Variants in AS3MT observed in about 807,000 individuals in gnomAD.
AS3MT encodes the protein S-adenosyl-L-methionine:arsenic(III) methyltransferase.
AS3MT carries 47 observed loss-of-function variants against 45.3 expected under a neutral mutation model. The observed-to-expected ratio is 1.04, with a 90% CI of 0.82 to 1.32. The LOEUF is 1.32. Ranked by LOEUF, AS3MT falls within the 40% of genes most tolerant of loss-of-function variation. The probability of loss-of-function intolerance (pLI) is 0.00; values close to 1 mark genes in which losing one functional copy is unlikely to be tolerated. For synonymous variants in AS3MT, 141 were observed against 152.8 expected (o/e 0.92, Z 0.57); for missense variants, 396 against 451.1 (o/e 0.88, Z 1.11).
intron 10 of AS3MT, among the ~76,000 whole-genome samples, chr10:102,893,788 T>C (rs56946876): frequency 0.41 from 62,088 of 151,842 alleles, 12,912 homozygotes; most frequent in East Asian, 0.56. Context: ...CATGAGCCAC[T>C]GTGCCCAGCC....
At chr10:102,896,803 C>T (rs571243103) in intron 10 of AS3MT, among the ~76,000 whole-genome samples, 1 of 133,230 alleles carries the variant, frequency 7.5e-6, no homozygotes, top group South Asian at 2.5e-4. Context: ...AGTGAGACTC[C>T]ATCTCAAAAA....
rs183878464 is a variant in AS3MT, at chr10:102,878,466, C to G, written c.698C>G (p.Ala233Gly). The G allele has an allele frequency of 4.3e-6, 7 of 1,613,862 alleles. No homozygotes were observed. The highest frequency in any genetic ancestry group is 5.9e-6 in the Non-Finnish European group (7 of 1,179,966). The part of the protein sequence containing the change: ...IGFCPPRLVT[A>G]NLITIQNKEL... ...TTCTGCCCTCCACGTTTGGTCACTG[C>G]CAATCTCATTACAATTCAAAACAAG... Residue 233 changes from alanine to glycine, a missense_variant, in exon 8 of 11, where the codon GCC (alanine) becomes GGC (glycine). Physicochemically the swap from Ala to Gly is moderately conservative, Grantham distance 60. Coordinates refer to ENST00000369880, the MANE Select transcript of AS3MT (RefSeq NM_020682.4).
chr10:102,877,574 A>AAG (rs1425505882), intron 7 of AS3MT, among the ~76,000 whole-genome samples: 1 of 150,476 alleles, frequency 6.6e-6, no homozygotes, highest in Non-Finnish European at 1.5e-5. Flanking sequence ...AAAAAAAAAA[A>AAG]AAAGAAAAAA....
At chr10:102,871,047 C>T (rs1029830758) in intron 3 of AS3MT, among the ~76,000 whole-genome samples, 1 of 152,140 alleles carries the variant, frequency 6.6e-6, no homozygotes, top group African/African-American at 2.4e-5. Context: ...AGTTCAAGAC[C>T]GACCTGGTCA....
At chr10:102,884,920 T>C (rs1185560023) in intron 9 of AS3MT, among the ~76,000 whole-genome samples, 1 of 152,198 alleles carries the variant, frequency 6.6e-6, no homozygotes, top group Non-Finnish European at 1.5e-5. Flanking sequence ...TTCATATAAT[T>C]TGTACAGATC....
intron 10 of AS3MT, among the ~76,000 whole-genome samples, chr10:102,894,152 G>A (rs972048114): frequency 1.3e-5 from 2 of 151,994 alleles, no homozygotes; most frequent in African/African-American, 4.8e-5. Flanking sequence ...TAGGCCGGGC[G>A]CGGTGGCTCA....
At chr10:102,873,260 C>G (rs1844723812) in intron 5 of AS3MT, 27 bp downstream of exon 5, 1 of 1,467,128 alleles carries the variant, frequency 6.8e-7, no homozygotes, top group Admixed American at 2.5e-5. Flanking sequence ...ACTGTTATGA[C>G]TATAGCCCAT....
chr10:102,882,832 C>T (rs1243807445), intron 9 of AS3MT, among the ~76,000 whole-genome samples: 2 of 151,904 alleles, frequency 1.3e-5, no homozygotes, highest in Non-Finnish European at 2.9e-5. Context: ...CTCAGGTAAT[C>T]TACCCGCCTC....
In AS3MT at chr10:102,869,851, A is replaced by C. The variant is rs1159399457; in HGVS notation, c.42+6A>C. On this transcript the variant is annotated splice_donor_region_variant and intron_variant, in intron 2 of 10. Transcript: ENST00000369880. ...AGATACAGAAGGACGTGCAGGTGAG[A>C]GCTGTAGGGCCTGGAATGGCCCAAG... The C allele has an allele frequency of 1.2e-6, 2 of 1,613,844 alleles. No homozygotes were observed. The highest frequency in any genetic ancestry group is 4.5e-5 in the East Asian group (2 of 44,872).
At chr10:102,871,668 C>T (rs941331903) in intron 3 of AS3MT, among the ~76,000 whole-genome samples, 1 of 148,632 alleles carries the variant, frequency 6.7e-6, no homozygotes. Flanking sequence ...GCGGAGCTTG[C>T]GGTGAGCTGA....
At chr10:102,891,236 C>T (rs758039052) in intron 10 of AS3MT, among the ~76,000 whole-genome samples, 7 of 152,122 alleles carry the variant, frequency 4.6e-5, no homozygotes, top group African/African-American at 1.2e-4. Flanking sequence ...TTATGATTTT[C>T]GAGAGACAGT....
rs746270828 is a variant in AS3MT at position 102,890,606 on chromosome 10, T to A, written c.948T>A (p.Ala316=). 30 of 1,612,708 alleles carry A rather than the reference T, an allele frequency of 1.9e-5. 1 individual carries two copies. In the South Asian group the frequency reaches 3.3e-4, roughly 18 times the overall value. Residue 316 remains alanine, a synonymous_variant, in exon 10 of 11, where the codon GCT becomes GCA. Transcript: ENST00000369880. ...TAAILKNSRF[A]QDFLIRPIGE... The stretch of plus-strand genomic sequence containing the variant: ...CTATCTTGAAGAATTCAAGATTTGC[T>A]CAAGATTTTCTGATCAGACCAATTG...
intron 3 of AS3MT, among the ~76,000 whole-genome samples, chr10:102,871,373 C>A (rs1055834812): frequency 6.6e-6 from 1 of 151,752 alleles, no homozygotes; most frequent in African/African-American, 2.4e-5. Flanking sequence ...GGTGAAACCC[C>A]GTCTCTACTA....
intron 10 of AS3MT, among the ~76,000 whole-genome samples, chr10:102,898,277 A>G (rs2134135246): frequency 6.6e-6 from 1 of 152,228 alleles, no homozygotes; most frequent in East Asian, 1.9e-4. Flanking sequence ...GTATTTTGCC[A>G]TTAAAACAAT....
At chr10:102,871,546 CAAAAAAAAAAAAAAAAAAA>C (rs748797211) in intron 3 of AS3MT, among the ~76,000 whole-genome samples, 6 of 23,266 alleles carry the variant, frequency 2.6e-4, no homozygotes, top group South Asian at 3.1e-3. Flanking sequence ...GACTCCGTCT[CAAAAAAAAAAAAAAAAAAA>C]AAAAAAAAAA....
chr10:102,888,541 C>A (rs1418601176), intron 9 of AS3MT, among the ~76,000 whole-genome samples: 1 of 151,848 alleles, frequency 6.6e-6, no homozygotes, highest in Non-Finnish European at 1.5e-5. Flanking sequence ...CCTGCCTCAG[C>A]CTCCCGAGTA....
In AS3MT at chr10:102,900,649, A is replaced by T; in HGVS notation, c.1077A>T (p.Arg359Ser). The T allele has an allele frequency of 1.9e-6, 3 of 1,614,200 alleles. No individual in the cohort carries two copies. The highest frequency in any genetic ancestry group is 2.5e-6 in the Non-Finnish European group (3 of 1,180,012). Residue 359 changes from arginine to serine, a missense_variant, in exon 11 of 11, where the codon AGA becomes AGT. Coordinates refer to ENST00000369880, the MANE Select transcript of AS3MT (RefSeq NM_020682.4). ...LAEESDSMKSRCVPDAAGGCC... is the reference protein window; with the variant it reads ...LAEESDSMKSSCVPDAAGGCC... ...AAGAGTCTGACAGTATGAAGTCCAG[A>T]TGTGTCCCTGATGCTGCTGGAGGCT... is the stretch of plus-strand genomic sequence containing the variant.
chr10:102,883,820 T>C (rs1229274122), intron 9 of AS3MT, among the ~76,000 whole-genome samples: 1 of 152,124 alleles, frequency 6.6e-6, no homozygotes, highest in Non-Finnish European at 1.5e-5. Context: ...TATATATTTA[T>C]GGTGTACAAT....
At chr10:102,870,941 C>A (rs543692656) in intron 3 of AS3MT, among the ~76,000 whole-genome samples, 1 of 152,202 alleles carries the variant, frequency 6.6e-6, no homozygotes, top group Non-Finnish European at 1.5e-5. Context: ...TGTTTTATCT[C>A]GCCTCTCAAA....
Sources: gnomAD v4.1 joint callset for allele counts (sites outside exome capture counted in the v4.1 genomes callset) on GRCh38, gnomAD v4.1.1 for gene constraint, MANE v1.5 for transcripts, NCBI Gene and HGNC (gene_info 2026-07-23, HGNC 2026-07-21) for gene names.